PLD4: variants seen among roughly 807,000 people sequenced by gnomAD.
PLD4 encodes the protein phospholipase D family member 4.
A neutral mutation model predicts 52.3 loss-of-function variants in PLD4; 54 were observed. That is an observed-to-expected ratio of 1.03 (90% CI 0.83 to 1.30). The LOEUF is 1.30. PLD4 is among the 50% of genes most tolerant of loss of function. The pLI is 0.00. For synonymous variants in PLD4, 264 were observed against 286.5 expected (o/e 0.92, Z 0.79); for missense variants, 731 against 671.1 (o/e 1.09, Z -0.99).
rs980507505 is a variant in PLD4 at position 104,932,690 on chromosome 14, G to T, written c.1322-75G>T. On this transcript the variant is annotated intron_variant, in intron 10 of 10. Coordinates refer to ENST00000392593, the MANE Select transcript of PLD4 (RefSeq NM_138790.5). The surrounding 1 kb of genome is among the most constrained non-coding windows in gnomAD (Gnocchi z 6.5). ...GCCAACCGTCCCCAAACCCGTAGCCGGGCCTGGCGCTGAGCGGGCTGCAGA... is the reference window on the plus strand; with the variant it reads ...GCCAACCGTCCCCAAACCCGTAGCCTGGCCTGGCGCTGAGCGGGCTGCAGA... 1.4e-6 allele frequency: 2 copies of T among 1,390,782 alleles called. No homozygotes were observed. Among genetic ancestry groups the T allele is most frequent in the Non-Finnish European group, 1.9e-6 (2 of 1,044,172 alleles). The allele number at this position is 1,390,782 out of a possible 1,614,324, so 86.2% of individuals were successfully genotyped here. A position where few individuals can be genotyped will look rare whatever the true frequency, so the allele number is the denominator to read the frequency against.
chr14:104,930,402 A>G (rs1897603873), intron 6 of PLD4, among the ~76,000 whole-genome samples: 1 of 152,188 alleles, frequency 6.6e-6, no homozygotes, highest in Admixed American at 6.5e-5. Flanking sequence ...TGCATGAAAA[A>G]CGTGTCAGAA....
chr14:104,932,453 A>T lies in PLD4; in HGVS notation c.1321+98A>T, dbSNP rs1897688277. On this transcript the variant is annotated intron_variant, in intron 10 of 10. Transcript: ENST00000392593. This position sits in a 1 kb window ranked among gnomAD's most constrained non-coding sequence, Gnocchi z 6.5. ...GACCGGCGTGGACACCTCAGGAGGG[A>T]GGGGCTGCTGCTGAAGGGGGACGGG... 19 of 1,309,088 alleles carry T rather than the reference A, an allele frequency of 1.5e-5. No homozygotes were observed. The South Asian group carries it at 2.4e-4, about 17-fold the overall frequency. 81.1% of individuals were successfully genotyped at this position (1,309,088 alleles called of 1,614,324 possible). A position where few individuals can be genotyped will look rare whatever the true frequency, so the allele number is the denominator to read the frequency against.
At chr14:104,933,259 G>T (rs1897721014), downstream of PLD4, 3 of 329,746 alleles carry the variant, frequency 9.1e-6, no homozygotes, top group Non-Finnish European at 1.7e-5. Context: ...TGTGAGTCCC[G>T]CGCGGGCGGC....
intron 3 of PLD4, 92 bp downstream of exon 3, chr14:104,927,958 G>A: frequency 2.2e-6 from 3 of 1,352,720 alleles, no homozygotes; most frequent in Non-Finnish European, 2.9e-6. Context: ...GAGATAAGGG[G>A]GGCCCTCTAC....
chr14:104,926,163 A>G (rs1897448923), intron 1 of PLD4, among the ~76,000 whole-genome samples: 1 of 152,044 alleles, frequency 6.6e-6, no homozygotes, highest in East Asian at 1.9e-4. Context: ...GGCACTCAGC[A>G]CTGCCCAGGC....
chr14:104,930,967 A>G, intron 7 of PLD4, 25 bp downstream of exon 7: 1 of 1,607,460 alleles, frequency 6.2e-7, no homozygotes, highest in Non-Finnish European at 8.5e-7. Context: ...GAAGGAGCCC[A>G]TCAGAGGCCC....
chr14:104,933,062 G>A lies in PLD4; in HGVS notation c.*98G>A. The A allele has an allele frequency of 7.4e-7, 1 of 1,352,110 alleles. No homozygotes were observed. The highest frequency in any genetic ancestry group is 2.7e-5 in the East Asian group (1 of 36,388). The allele number at this position is 1,352,110 out of a possible 1,614,324, so 83.8% of individuals were successfully genotyped here. A position where few individuals can be genotyped will look rare whatever the true frequency, so the allele number is the denominator to read the frequency against. ...CCGCTTCCTCCCGCAAGCAGCCCGG[G>A]TCCGCACTGCGCCAGGAGCCGCCTG... On this transcript the variant is annotated 3_prime_UTR_variant, in exon 11 of 11. Transcript: ENST00000392593.
chr14:104,927,605 C>A (rs1470559639), intron 2 of PLD4, 68 bp from the exon 3 acceptor site: 1 of 1,450,828 alleles, frequency 6.9e-7, no homozygotes, highest in Non-Finnish European at 9.2e-7. Flanking sequence ...ACTGGAGGGG[C>A]CATCGTGGCC....
At chr14:104,926,629 A>G (rs1158513113) in intron 1 of PLD4, among the ~76,000 whole-genome samples, 2 of 152,236 alleles carry the variant, frequency 1.3e-5, no homozygotes, top group East Asian at 3.9e-4. Flanking sequence ...GGGCCAAGAC[A>G]GGAGCCCAGC....
At chr14:104,928,975 A>G (rs1897550881) in intron 4 of PLD4, 43 bp downstream of exon 4, 1 of 1,556,022 alleles carries the variant, frequency 6.4e-7, no homozygotes, top group East Asian at 2.3e-5. Flanking sequence ...TGCTGGAAAC[A>G]CAGCAAGTCA....
At chr14:104,926,252 A>G (rs1897451832) in intron 1 of PLD4, among the ~76,000 whole-genome samples, 2 of 152,190 alleles carry the variant, frequency 1.3e-5, no homozygotes, top group African/African-American at 4.8e-5. Flanking sequence ...TCTCAGTCAG[A>G]GGCTGGCCAG....
At chr14:104,928,000 G>C in intron 3 of PLD4, 134 bp downstream of exon 3, 1 of 1,036,200 alleles carries the variant, frequency 9.7e-7, no homozygotes, top group Non-Finnish European at 1.4e-6. Context: ...GGTCACCAGG[G>C]AGGGCCACGA....
In PLD4 at chr14:104,932,926, G is replaced by A. The variant is rs199615700; in HGVS notation, c.1483G>A (p.Gly495Arg). 6 of 1,600,328 alleles carry A rather than the reference G, an allele frequency of 3.7e-6. No individual in the cohort carries two copies. The highest frequency in any genetic ancestry group is 1.7e-5 in the Admixed American group (1 of 58,528). ...WSSRYAVGLD[G>R]QAPGQDCVWQ... ...TTCGCGCTACGCCGTCGGCCTGGAC[G>A]GACAGGCTCCGGGCCAGGACTGCGT... The change falls in exon 11 of 11, where the codon GGA (glycine) becomes AGA (arginine). Residue 495 changes from glycine to arginine, a missense_variant. Transcript: ENST00000392593. The surrounding 1 kb of genome is among the most constrained non-coding windows in gnomAD (Gnocchi z 6.5).
chr14:104,937,073 GT>G (rs1351482694), downstream of PLD4: 2 of 152,180 alleles, frequency 1.3e-5, no homozygotes, highest in Admixed American at 6.5e-5. Context: ...TATCTTCCTT[GT>G]CTTCCTCACA....
chr14:104,934,565 T>A (rs1897769437), downstream of PLD4: 2 of 152,232 alleles, frequency 1.3e-5, no homozygotes, highest in Admixed American at 1.3e-4. Flanking sequence ...AGTTCAGGGA[T>A]GGCTCAGCGG....
rs1303818259 is a variant in PLD4, at chr14:104,933,055, A to T, written c.*91A>T. The T allele has an allele frequency of 7.1e-6, 10 of 1,401,710 alleles. No individual in the cohort carries two copies. The highest frequency in any genetic ancestry group is 9.4e-6 in the Non-Finnish European group (10 of 1,063,310). The allele number at this position is 1,401,710 out of a possible 1,614,324, so 86.8% of individuals were successfully genotyped here. ...GCTTCAGCCGCTTCCTCCCGCAAGC[A>T]GCCCGGGTCCGCACTGCGCCAGGAG... On this transcript the variant is annotated 3_prime_UTR_variant, in exon 11 of 11. Transcript: ENST00000392593.
rs1480590776 is a variant in PLD4 at position 104,929,340 on chromosome 14, C to T, written c.502C>T (p.Leu168=). 1.3e-6 allele frequency: 2 copies of T among 1,576,158 alleles called. No homozygotes were observed. Among genetic ancestry groups the T allele is most frequent in the Non-Finnish European group, 1.7e-6 (2 of 1,161,294 alleles). The change falls in exon 5 of 11, where the codon CTG becomes TTG. Residue 168 remains leucine, a synonymous_variant. Coordinates refer to ENST00000392593, the MANE Select transcript of PLD4 (RefSeq NM_138790.5). ...EALLQKLQQL[L]GRNISLAVAT... ...TCTTCTGCAGAAGCTGCAGCAGCTG[C>T]TGGGCAGGAACATTTCCCTGGCTGT...
chr14:104,932,786 A>T lies in PLD4; in HGVS notation c.1343A>T (p.Asp448Val), dbSNP rs749451339. ...GCAGGCACCTCCAACTGGTCGGAGG[A>T]TTACTTCAGCAGCACGGCGGGGGTG... ...AYIGTSNWSE[D>V]YFSSTAGVGL... The change falls in exon 11 of 11, where the codon GAT becomes GTT. Residue 448 changes from aspartate (D) to valine (V), a missense_variant. Physicochemically the swap from Asp to Val is radical, Grantham distance 152 (BLOSUM62 -3). Transcript: ENST00000392593. The surrounding 1 kb of genome is among the most constrained non-coding windows in gnomAD (Gnocchi z 6.5). The T allele has an allele frequency of 7.5e-6, 12 of 1,591,624 alleles. No homozygotes were observed. In the South Asian group the frequency reaches 1.4e-4, roughly 18 times the overall value.
At chr14:104,930,483 T>C (rs1415669647) in intron 6 of PLD4, 1 of 582,482 alleles carries the variant, frequency 1.7e-6, no homozygotes. Flanking sequence ...CTTAATGGCT[T>C]GATGCATTTT....
Sources: gnomAD v4.1 joint callset for allele counts (sites outside exome capture counted in the v4.1 genomes callset) on GRCh38, gnomAD v4.1.1 for gene constraint, Gnocchi (gnomAD v3.1) non-coding constraint, MANE v1.5 for transcripts, NCBI Gene and HGNC (gene_info 2026-07-23, HGNC 2026-07-21) for gene names.